FHIT: variants seen among roughly 807,000 people sequenced by gnomAD.
FHIT encodes bis(5'-adenosyl)-triphosphatase.
In FHIT, 19 loss-of-function variants were observed where a neutral mutation model predicts 17.9. That is an observed-to-expected ratio of 1.06 (90% CI 0.74 to 1.56). The LOEUF (loss-of-function observed/expected upper bound fraction) is 1.56. FHIT is among the 40% of genes most tolerant of loss of function. The probability of loss-of-function intolerance (pLI) is 0.00; values close to 1 mark genes in which losing one functional copy is unlikely to be tolerated. For missense variants in FHIT, 248 were observed against 189.2 expected, an observed-to-expected ratio of 1.31 and a Z score of -1.82; for synonymous variants, 81 against 69.7, an observed-to-expected ratio of 1.16 and a Z score of -0.81.
chr3:61,202,006 A>G (rs9844741), intron 1 of FHIT, among the ~76,000 whole-genome samples: 87,776 of 151,632 alleles, frequency 0.58, 29,077 homozygotes, highest in African/African-American at 0.88. Context: ...ATACACACAC[A>G]TGTACAAATA....
At chr3:60,537,106 C>A in intron 4 of FHIT, 127 bp from the exon 5 acceptor site, 1 of 731,032 alleles carries the variant, frequency 1.4e-6, no homozygotes, top group Non-Finnish European at 2.0e-6. Flanking sequence ...TGAAATTGTT[C>A]CTCATTGAAT....
At chr3:60,665,424 A>G (rs1475399736) in intron 4 of FHIT, among the ~76,000 whole-genome samples, 1 of 151,950 alleles carries the variant, frequency 6.6e-6, no homozygotes, top group African/African-American at 2.4e-5. Context: ...TTTCAGTTCT[A>G]TCAGTTTTTG....
intron 5 of FHIT, among the ~76,000 whole-genome samples, chr3:60,071,917 C>G (rs1702790873): frequency 6.6e-6 from 1 of 152,150 alleles, no homozygotes; most frequent in African/African-American, 2.4e-5. Context: ...TCTTGCCTGC[C>G]ACCATGTAAG....
chr3:60,295,310 A>G (rs1708158296), intron 5 of FHIT, among the ~76,000 whole-genome samples: 2 of 152,102 alleles, frequency 1.3e-5, no homozygotes, highest in African/African-American at 4.8e-5. Flanking sequence ...TTACAAAGAA[A>G]AAAGGTTTAT....
At chr3:60,010,008 T>C (rs567509883) in intron 7 of FHIT, among the ~76,000 whole-genome samples, 1 of 152,324 alleles carries the variant, frequency 6.6e-6, no homozygotes, top group Non-Finnish European at 1.5e-5. Context: ...CATTCCCCCA[T>C]GTCACTAGCT....
chr3:61,202,509 T>C (rs9827853), intron 1 of FHIT, among the ~76,000 whole-genome samples: 1,894 of 124,598 alleles, frequency 0.015, 35 homozygotes, highest in African/African-American at 0.049. Context: ...ACTTTTTCGT[T>C]AAAAAAAAAA....
chr3:59,880,998 A>T (rs182831412), intron 8 of FHIT, among the ~76,000 whole-genome samples: 7 of 152,312 alleles, frequency 4.6e-5, no homozygotes, highest in African/African-American at 1.7e-4. Context: ...TTCCTTTGAC[A>T]TCTCAACAGC....
chr3:60,543,649 G>T (rs1015731640), intron 4 of FHIT, among the ~76,000 whole-genome samples: 50 of 152,060 alleles, frequency 3.3e-4, no homozygotes, highest in African/African-American at 1.2e-3. Flanking sequence ...TCCCAATACA[G>T]CAGAAAGCTA....
intron 5 of FHIT, among the ~76,000 whole-genome samples, chr3:60,219,889 A>G (rs1430896081): frequency 2.0e-5 from 3 of 152,162 alleles, no homozygotes; most frequent in Non-Finnish European, 1.5e-5. Context: ...GACGCTACTC[A>G]ACCTGGATCT....
At chr3:60,748,448 C>T (rs1358212078) in intron 4 of FHIT, among the ~76,000 whole-genome samples, 1 of 152,112 alleles carries the variant, frequency 6.6e-6, no homozygotes, top group Admixed American at 6.5e-5. Flanking sequence ...CCATCGGATA[C>T]CAGAATCCAG....
At chr3:61,054,868 T>C (rs1362309439) in intron 2 of FHIT, among the ~76,000 whole-genome samples, 1 of 152,174 alleles carries the variant, frequency 6.6e-6, no homozygotes, top group African/African-American at 2.4e-5. Context: ...CTGGGACACT[T>C]TGGGGTCCCT....
intron 5 of FHIT, among the ~76,000 whole-genome samples, chr3:60,407,813 G>A (rs1322222227): frequency 4.6e-5 from 7 of 152,078 alleles, no homozygotes; most frequent in Admixed American, 4.6e-4. Context: ...CACTGCACCT[G>A]ACCCAAATGT....
chr3:61,191,431 C>T (rs528515039), intron 2 of FHIT, among the ~76,000 whole-genome samples: 237 of 152,260 alleles, frequency 1.6e-3, no homozygotes, highest in African/African-American at 5.2e-3. Context: ...ATTACACCAC[C>T]GGCTTTCCTG....
intron 5 of FHIT, among the ~76,000 whole-genome samples, chr3:60,502,554 C>T (rs1225101669): frequency 6.6e-6 from 1 of 152,166 alleles, no homozygotes; most frequent in Non-Finnish European, 1.5e-5. Context: ...AGAGTGTCAG[C>T]AACTCCCCCA....
At chr3:60,281,652 C>T (rs950073734) in intron 5 of FHIT, among the ~76,000 whole-genome samples, 10 of 147,672 alleles carry the variant, frequency 6.8e-5, no homozygotes, top group African/African-American at 2.5e-4. Context: ...ACACACAGAC[C>T]TTACACCTTT....
chr3:60,469,289 A>T (rs528233430), intron 5 of FHIT, among the ~76,000 whole-genome samples: 1 of 151,986 alleles, frequency 6.6e-6, no homozygotes, highest in Non-Finnish European at 1.5e-5. Flanking sequence ...TAACTCTTAG[A>T]TTGCCCTTTT....
In FHIT at chr3:61,133,168, A is replaced by C. The variant is rs142733078; in HGVS notation, c.-164+67449T>G. ...AAATTAGGTCCTTCTGGACATGCTC[A>C]CAAAGCACATTGGACTTTTCCTCCA... On this transcript the variant is annotated intron_variant, in intron 2 of 9. Coordinates refer to ENST00000492590, the MANE Select transcript of FHIT (RefSeq NM_002012.4). Among the ~76,000 whole-genome samples the C allele has an allele frequency of 2.7e-3, 410 of 152,330 alleles. 2 individuals are homozygous for C. The highest frequency in any genetic ancestry group is 9.0e-3 in the African/African-American group (376 of 41,574).
At chr3:61,049,623 A>G (rs1462437418) in intron 2 of FHIT, among the ~76,000 whole-genome samples, 2 of 152,198 alleles carry the variant, frequency 1.3e-5, no homozygotes, top group Non-Finnish European at 2.9e-5. Flanking sequence ...CATACATAGC[A>G]CCATCTATGA....
chr3:60,501,889 A>C (rs958292763), intron 5 of FHIT, among the ~76,000 whole-genome samples: 4 of 152,350 alleles, frequency 2.6e-5, no homozygotes, highest in East Asian at 1.9e-4. Context: ...GTAGGAGTGA[A>C]GTACTCAAAG....
Sources: gnomAD v4.1 joint callset for allele counts (sites outside exome capture counted in the v4.1 genomes callset) on GRCh38, gnomAD v4.1.1 for gene constraint, MANE v1.5 for transcripts, NCBI Gene and HGNC (gene_info 2026-07-23, HGNC 2026-07-21) for gene names.